The following GPATCH8 variants were observed in gnomAD, a reference collection of about 807,000 sequenced individuals.
GPATCH8 encodes G patch domain-containing protein 8.
GPATCH8 carries 18 observed loss-of-function variants against 118.3 expected under a neutral mutation model. The observed-to-expected ratio is 0.15, with a 90% CI of 0.11 to 0.23. The LOEUF is 0.23. Ranked by LOEUF, GPATCH8 falls within the 10% of genes least tolerant of loss-of-function variation. The pLI, the probability that GPATCH8 is intolerant of heterozygous loss-of-function variation, is 1.00. For missense variants in GPATCH8, 1,631 were observed against 1,873.8 expected (o/e 0.87, Z 2.39); for synonymous variants, 659 against 684.7 (o/e 0.96, Z 0.59).
chr17:44,402,503 C>CTAAT, intron 7 of GPATCH8, among the ~76,000 whole-genome samples: 1 of 151,890 alleles, frequency 6.6e-6, no homozygotes, highest in Non-Finnish European at 1.5e-5. Context: ...AAAACTCTTG[C>CTAAT]TGGGTCAGGG....
intron 6 of GPATCH8, among the ~76,000 whole-genome samples, chr17:44,414,598 C>T (rs2049607566): frequency 6.6e-6 from 1 of 152,228 alleles, no homozygotes; most frequent in Non-Finnish European, 1.5e-5. Context: ...GCCATTGCTC[C>T]TGGCCCAAAT....
In GPATCH8 at chr17:44,399,930, C is replaced by T. The variant is rs369496644; in HGVS notation, c.2147G>A (p.Arg716Gln). 2.7e-5 allele frequency: 43 copies of T among 1,613,908 alleles called. No homozygotes were observed. The highest frequency in any genetic ancestry group is 5.5e-5 in the South Asian group (5 of 91,066). The change falls in exon 8 of 8, where the codon CGA becomes CAA. Residue 716 changes from arginine (R) to glutamine (Q), a missense_variant. Physicochemically the swap from Arg to Gln is conservative, Grantham distance 43. Transcript: ENST00000591680. ...TGGGGCTGATGACTTATTCTTCTTT[C>T]GTTTTCGTTTCTTGCGCTTCTTAGA... is the stretch of plus-strand genomic sequence containing the variant. ...EKSKKRKKRK[R>Q]KKNKSSAPAD... is the part of the protein sequence containing the mutation.
intron 6 of GPATCH8, among the ~76,000 whole-genome samples, chr17:44,417,489 G>C (rs1297546047): frequency 6.6e-6 from 1 of 152,162 alleles, no homozygotes; most frequent in African/African-American, 2.4e-5. Flanking sequence ...AAAGTGCTGG[G>C]ATTACAGGTA....
At chr17:44,414,730 C>T (rs1187061083) in intron 6 of GPATCH8, among the ~76,000 whole-genome samples, 4 of 152,202 alleles carry the variant, frequency 2.6e-5, no homozygotes, top group African/African-American at 9.7e-5. Context: ...TACCCATAAG[C>T]AGTTACTCAC....
chr17:44,472,782 G>A (rs1261919202), intron 2 of GPATCH8, among the ~76,000 whole-genome samples: 11 of 151,892 alleles, frequency 7.2e-5, no homozygotes, highest in African/African-American at 2.4e-4. Context: ...TGCAATCTCC[G>A]CCTCCCAGGT....
In GPATCH8 at chr17:44,401,404, C is replaced by G; in HGVS notation, c.673G>C (p.Glu225Gln). The change falls in exon 8 of 8, where the codon GAA (glutamate) becomes CAA (glutamine). Residue 225 changes from glutamate to glutamine, a missense_variant. By Grantham distance (29) the Glu-to-Gln change is conservative. Around this residue, in one of 8 missense-constraint regions of GPATCH8, gnomAD observed 405 missense variants for 462.7 expected, o/e 0.88. Transcript: ENST00000591680. ...TCTTTATCATCTTCTCCACCTTCTT[C>G]ATCTACAGCCACTGTGGTTGGTTTG... is the stretch of plus-strand genomic sequence containing the variant. Reference protein sequence around the residue: ...MFKPTTVAVDEEGGEDDKDES... With the variant: ...MFKPTTVAVDQEGGEDDKDES... 6.2e-7 allele frequency: 1 copy of G among 1,613,450 alleles called. No homozygotes were observed. Among genetic ancestry groups the G allele is most frequent in the Non-Finnish European group, 8.5e-7 (1 of 1,179,382 alleles).
At chr17:44,502,095 T>C (rs1048556247) in intron 1 of GPATCH8, among the ~76,000 whole-genome samples, 1 of 152,140 alleles carries the variant, frequency 6.6e-6, no homozygotes, top group African/African-American at 2.4e-5. Flanking sequence ...AGCCCCCAGA[T>C]CCCTTACTGC....
intron 4 of GPATCH8, among the ~76,000 whole-genome samples, chr17:44,435,924 A>G (rs984052748): frequency 2.0e-5 from 3 of 149,242 alleles, no homozygotes; most frequent in Admixed American, 6.7e-5. Flanking sequence ...TAGAAGGCTG[A>G]GACAGGAGAC....
At chr17:44,424,253 T>G in intron 6 of GPATCH8, 96 bp downstream of exon 6, 1 of 866,548 alleles carries the variant, frequency 1.2e-6, no homozygotes. Context: ...ACACAAGAAA[T>G]CATAGACACC....
chr17:44,430,487 C>A (rs561504997), intron 5 of GPATCH8, among the ~76,000 whole-genome samples: 1 of 152,150 alleles, frequency 6.6e-6, no homozygotes, highest in Non-Finnish European at 1.5e-5. Context: ...CCAATACTCT[C>A]TTTCATGGTA....
intron 1 of GPATCH8, among the ~76,000 whole-genome samples, chr17:44,488,361 ATTTAT>A (rs902311360): frequency 1.1e-4 from 16 of 150,228 alleles, no homozygotes; most frequent in African/African-American, 1.7e-4. Context: ...CGCCAGACCA[ATTTAT>A]TTTATTTTAT....
At position 44,396,956 on chromosome 17, in the gene GPATCH8, T is replaced by C. The variant is rs885758; in HGVS notation, c.*612A>G. The C allele has an allele frequency of 4.4e-6, 2 of 453,914 alleles. No individual in the cohort carries two copies. The highest frequency in any genetic ancestry group is 4.0e-5 in the African/African-American group (2 of 49,942). 28.1% of individuals were successfully genotyped at this position (453,914 alleles called of 1,614,324 possible). ...GGGATACCAAGATAACAGTGCCAAA[T>C]GTGTGGCTCCGTTGATGTGGGAACT... On this transcript the variant is annotated 3_prime_UTR_variant, in exon 8 of 8. Coordinates refer to ENST00000591680, the MANE Select transcript of GPATCH8 (RefSeq NM_001002909.4).
chr17:44,463,768 G>A (rs569760696), intron 3 of GPATCH8, among the ~76,000 whole-genome samples: 90 of 152,316 alleles, frequency 5.9e-4, no homozygotes, highest in African/African-American at 2.1e-3. Context: ...AAAAGAGAAC[G>A]CAGTTGGTTG....
At position 44,452,100 on chromosome 17, in the gene GPATCH8, G is replaced by A. The variant is rs372150579; in HGVS notation, c.193+12372C>T. ...AGTCTGGCCAACATAGTGAAACCCC[G>A]TCTCTAATAAAAATACAGGAAAATT... On this transcript the variant is annotated intron_variant, in intron 3 of 7. Transcript: ENST00000591680. Among the ~76,000 whole-genome samples the A allele has an allele frequency of 2.3e-3, 350 of 151,720 alleles. 1 individual carries two copies. Among genetic ancestry groups the A allele is most frequent in the Middle Eastern group, 0.021 (6 of 292 alleles).
At chr17:44,418,239 A>G (rs1338855044) in intron 6 of GPATCH8, among the ~76,000 whole-genome samples, 1 of 152,160 alleles carries the variant, frequency 6.6e-6, no homozygotes, top group African/African-American at 2.4e-5. Flanking sequence ...TAATTAATTT[A>G]CTTTTGGGAA....
intron 3 of GPATCH8, among the ~76,000 whole-genome samples, chr17:44,452,246 C>G (rs1261399078): frequency 5.3e-5 from 7 of 133,266 alleles, no homozygotes; most frequent in Non-Finnish European, 1.1e-4. Context: ...GCACTCCAGC[C>G]TGGGTGACAG....
chr17:44,405,653 C>T (rs900499762), intron 7 of GPATCH8, among the ~76,000 whole-genome samples: 54 of 150,442 alleles, frequency 3.6e-4, no homozygotes, highest in Middle Eastern at 3.6e-3. Flanking sequence ...TACAGGCGCT[C>T]GCCACCATGC....
At chr17:44,497,538 T>C (rs1969748727) in intron 1 of GPATCH8, among the ~76,000 whole-genome samples, 2 of 151,892 alleles carry the variant, frequency 1.3e-5, no homozygotes, top group African/African-American at 4.8e-5. Flanking sequence ...CCAGGAGCCA[T>C]GATCGCGTCA....
At chr17:44,444,214 T>C (rs992175363) in intron 3 of GPATCH8, among the ~76,000 whole-genome samples, 6 of 150,088 alleles carry the variant, frequency 4.0e-5, no homozygotes, top group Non-Finnish European at 8.8e-5. Context: ...CTCAAGCCCT[T>C]AGAAGAGATA....
Sources: allele counts gnomAD v4.1 joint callset (sites outside exome capture counted in the v4.1 genomes callset), GRCh38; gene constraint gnomAD v4.1.1; regional missense constraint gnomAD v4.1.1; transcripts MANE v1.5; gene names NCBI Gene and HGNC (gene_info 2026-07-23, HGNC 2026-07-21).